PRR12: variants seen among roughly 807,000 people sequenced by gnomAD.
The protein encoded by PRR12 is proline-rich protein 12.
Under a neutral mutation model 138.0 loss-of-function variants are expected in PRR12, and 12 were observed. The observed-to-expected ratio is 0.09, with a 90% CI of 0.06 to 0.14. The LOEUF (loss-of-function observed/expected upper bound fraction) is 0.14. Ranked by LOEUF, PRR12 falls within the 10% of genes least tolerant of loss-of-function variation. PRR12 has a pLI of 1.00. For missense variants in PRR12, 2,692 were observed against 2,861.3 expected (o/e 0.94, Z 1.35); for synonymous variants, 1,567 against 1,291.7 (o/e 1.21, Z -4.57).
chr19:49,591,814 G>GGGCCC (rs200918708), intron 1 of PRR12, 74 bp downstream of exon 1: 10 of 762,168 alleles, frequency 1.3e-5, no homozygotes, highest in Admixed American at 4.7e-5. Context: ...GGGCCGGGCC[G>GGGCCC]GGCCCGCCCG....
intron 2 of PRR12, among the ~76,000 whole-genome samples, chr19:49,593,952 C>G (rs76849608): frequency 1.3e-3 from 194 of 152,246 alleles, no homozygotes; most frequent in Admixed American, 4.0e-3. Context: ...ATGATGCTGT[C>G]CAGTTTGACC....
chr19:49,607,649 A>C (rs2080845458), intron 6 of PRR12, among the ~76,000 whole-genome samples: 1 of 151,700 alleles, frequency 6.6e-6, no homozygotes, highest in African/African-American at 2.4e-5. Context: ...TGGAGGTTGC[A>C]GTGAGCCGAG....
rs1267357182 is a variant in PRR12, at chr19:49,596,360, G to T, written c.2025G>T (p.Gly675=). 3 of 1,598,334 alleles carry T rather than the reference G, an allele frequency of 1.9e-6. No homozygotes were observed. The highest frequency in any genetic ancestry group is 2.6e-6 in the Non-Finnish European group (3 of 1,175,674). ...CAGCAGATGCCTCTAAGGGACTTGGGGGGAGTGGCGGGGCCGGGGGACCAC... is the reference window on the plus strand; with the variant it reads ...CAGCAGATGCCTCTAAGGGACTTGGTGGGAGTGGCGGGGCCGGGGGACCAC... ...DGAADASKGL[G]GSGGAGGPPG... is the part of the protein sequence containing the mutation. Residue 675 remains glycine (G), a synonymous_variant, in exon 4 of 14, where the codon GGG becomes GGT. Transcript: ENST00000418929. The surrounding 1 kb of genome is among the most constrained non-coding windows in gnomAD (Gnocchi z 5.6).
intron 5 of PRR12, among the ~76,000 whole-genome samples, chr19:49,600,740 G>C (rs532462975): frequency 6.6e-6 from 1 of 151,732 alleles, no homozygotes; most frequent in South Asian, 2.1e-4. Context: ...TGTCACCCAG[G>C]CTGGAGTGTG....
rs1469169828 is a variant in PRR12 at position 49,594,108 on chromosome 19, T to A, written c.200-346T>A. Among the ~76,000 whole-genome samples, 1 of 152,190 alleles carries A rather than the reference T, an allele frequency of 6.6e-6. No homozygotes were observed. The highest frequency in any genetic ancestry group is 1.5e-5 in the Non-Finnish European group (1 of 68,036). Reference sequence around the variant, plus strand: ...CCTTTCCTCTTCCTTGCTGGAAATATCCAAATTTGGTCTCCCTCCCAGCCT... The same window carrying A: ...CCTTTCCTCTTCCTTGCTGGAAATAACCAAATTTGGTCTCCCTCCCAGCCT... On this transcript the variant is annotated intron_variant, in intron 2 of 13. Transcript: ENST00000418929. This position sits in a 1 kb window ranked among gnomAD's most constrained non-coding sequence, Gnocchi z 5.6.
At chr19:49,620,318 G>A in intron 9 of PRR12, 34 bp from the exon 10 acceptor site, 1 of 1,611,402 alleles carries the variant, frequency 6.2e-7, no homozygotes. Context: ...AGAGGAAATT[G>A]GGATAACGAG....
chr19:49,615,471 A>G (rs1291462757), intron 8 of PRR12, among the ~76,000 whole-genome samples: 5 of 139,212 alleles, frequency 3.6e-5, no homozygotes, highest in South Asian at 2.5e-4. Flanking sequence ...AGGGAGGGGA[A>G]TAGAGACCCA....
Position 49,591,567 on chromosome 19 carries a change from G to T in PRR12, c.-88G>T. ...AAGGGGGGAAAAAAAAGCAGCAGCG[G>T]AGGGAGCGGCGGCGGAGGAGAGCGC... On this transcript the variant is annotated 5_prime_UTR_variant, in exon 1 of 14. Coordinates refer to ENST00000418929, the MANE Select transcript of PRR12 (RefSeq NM_020719.3). 1.4e-6 allele frequency: 1 copy of T among 727,022 alleles called. No homozygotes were observed. Among genetic ancestry groups the T allele is most frequent in the Non-Finnish European group, 2.0e-6 (1 of 489,648 alleles). The allele number at this position is 727,022 out of a possible 1,614,324, so 45.0% of individuals were successfully genotyped here.
intron 10 of PRR12, among the ~76,000 whole-genome samples, 165 bp downstream of exon 10, chr19:49,620,642 G>A (rs1294360432): frequency 6.6e-6 from 1 of 151,494 alleles, no homozygotes; most frequent in Non-Finnish European, 1.5e-5. Context: ...AGGAGGGGCT[G>A]GGGCCTGGAG....
chr19:49,596,962 C>G lies in PRR12; in HGVS notation c.2627C>G (p.Pro876Arg). 6.4e-7 allele frequency: 1 copy of G among 1,552,106 alleles called. No individual in the cohort carries two copies. The highest frequency in any genetic ancestry group is 8.7e-7 in the Non-Finnish European group (1 of 1,153,468). The stretch of plus-strand genomic sequence containing the variant: ...CTGCGACCCGAGGAGAGCCTGGATC[C>G]GCCAGGCGCCATGCAGGAATTGCTC... ...PRLRPEESLD[P>R]PGAMQELLGA... The change falls in exon 4 of 14, where the codon CCG (proline) becomes CGG (arginine). Residue 876 changes from proline (P) to arginine (R), a missense_variant. By Grantham distance (103) the Pro-to-Arg change is moderately radical. Coordinates refer to ENST00000418929, the MANE Select transcript of PRR12 (RefSeq NM_020719.3). This position sits in a 1 kb window ranked among gnomAD's most constrained non-coding sequence, Gnocchi z 5.6.
Position 49,594,863 on chromosome 19 carries a change from C to T in PRR12, c.528C>T (p.Ser176=), listed in dbSNP as rs775776064. The change falls in exon 4 of 14, where the codon AGC becomes AGT. Residue 176 remains serine, a synonymous_variant. Coordinates refer to ENST00000418929, the MANE Select transcript of PRR12 (RefSeq NM_020719.3). The surrounding 1 kb of genome is among the most constrained non-coding windows in gnomAD (Gnocchi z 5.6). ...SSLSLQDPPF[S]PPANGLLSPH... ...TCAGCCTCCAGGACCCCCCATTCAGCCCTCCAGCTAACGGGCTCCTGTCCC... is the reference window on the plus strand; with the variant it reads ...TCAGCCTCCAGGACCCCCCATTCAGTCCTCCAGCTAACGGGCTCCTGTCCC... 4 of 1,611,412 alleles carry T rather than the reference C, an allele frequency of 2.5e-6. No homozygotes were observed. The highest frequency in any genetic ancestry group is 3.4e-5 in the Admixed American group (2 of 59,674).
At chr19:49,610,734 G>A (rs1487935514) in intron 6 of PRR12, among the ~76,000 whole-genome samples, 5 of 151,796 alleles carry the variant, frequency 3.3e-5, no homozygotes, top group African/African-American at 9.7e-5. Context: ...TAGTAGAGAC[G>A]GGGTTTCACC....
Position 49,595,768 on chromosome 19 carries a change from GC to G in PRR12, c.1439del (p.Pro480HisfsTer111). ...DLSKAPSYSG[G>X]PPQPPSGPPP... ...AGCAAAGCCCCCAGCTACTCAGGGG[GC>G]CCCCCACAGCCCCCCAGCGGCCCCC... On this transcript the variant is annotated frameshift_variant, in exon 4 of 14. Transcript: ENST00000418929. LOFTEE classifies it high-confidence loss of function. 2.5e-6 allele frequency: 4 copies of G among 1,597,770 alleles called. No homozygotes were observed. The highest frequency in any genetic ancestry group is 1.7e-5 in the Admixed American group (1 of 57,968).
At chr19:49,602,889 C>G (rs966442012) in intron 6 of PRR12, among the ~76,000 whole-genome samples, 1 of 152,218 alleles carries the variant, frequency 6.6e-6, no homozygotes, top group African/African-American at 2.4e-5. Context: ...TACTTAAATA[C>G]GTAAATGCAG....
rs187618144 is a variant in PRR12, at chr19:49,624,751, G to A, written c.5722-93G>A. The A allele has an allele frequency of 2.8e-5, 42 of 1,523,992 alleles. No homozygotes were observed. In the Admixed American group the frequency reaches 8.7e-4, roughly 32 times the overall value. 94.4% of individuals were successfully genotyped at this position (1,523,992 alleles called of 1,614,324 possible). A position where few individuals can be genotyped will look rare whatever the true frequency, so the allele number is the denominator to read the frequency against. ...GTTGTCTCTCCTGATCTGCAGCCTGGGGGAAACTGAGGCACAGATCTGAGA... is the reference window on the plus strand; with the variant it reads ...GTTGTCTCTCCTGATCTGCAGCCTGAGGGAAACTGAGGCACAGATCTGAGA... On this transcript the variant is annotated intron_variant, in intron 11 of 13. Transcript: ENST00000418929.
Position 49,591,602 on chromosome 19 carries a change from C to CCCA in PRR12, c.-51_-50insACC. The CCCA allele has an allele frequency of 2.5e-6, 1 of 397,482 alleles. No homozygotes were observed. Among genetic ancestry groups the CCCA allele is most frequent in the Non-Finnish European group, 4.5e-6 (1 of 221,514 alleles). The allele number at this position is 397,482 out of a possible 1,614,324, so 24.6% of individuals were successfully genotyped here. ...CGGCGGAGGAGAGCGCGCGCGCGCC[C>CCCA]CCTCCCTCCCTCCCTCCCTCCCCCT... On this transcript the variant is annotated 5_prime_UTR_variant, in exon 1 of 14. Transcript: ENST00000418929.
chr19:49,600,869 C>T (rs903544035), intron 5 of PRR12, among the ~76,000 whole-genome samples: 26 of 152,056 alleles, frequency 1.7e-4, no homozygotes, highest in Non-Finnish European at 3.4e-4. Context: ...GGACTACAGG[C>T]GCGCACCACC....
chr19:49,603,727 C>T (rs2080823851), intron 6 of PRR12, among the ~76,000 whole-genome samples: 1 of 151,908 alleles, frequency 6.6e-6, no homozygotes, highest in Non-Finnish European at 1.5e-5. Flanking sequence ...TAATTTAGTC[C>T]TGGATGTTGT....
At position 49,597,321 on chromosome 19, in the gene PRR12, G is replaced by T; in HGVS notation, c.2986G>T (p.Gly996Cys). Residue 996 changes from glycine (G) to cysteine (C), a missense_variant, in exon 4 of 14, where the codon GGC becomes TGC. Gly to Cys is a radical substitution (Grantham distance 159, BLOSUM62 -3). Transcript: ENST00000418929. This position sits in a 1 kb window ranked among gnomAD's most constrained non-coding sequence, Gnocchi z 6.3. ...AYDPYGPYCP[G>C]RASGAGPETP... Reference sequence around the variant, plus strand: ...TGATCCCTATGGGCCCTACTGTCCTGGCCGGGCGTCGGGAGCCGGGCCCGA... The same window carrying T: ...TGATCCCTATGGGCCCTACTGTCCTTGCCGGGCGTCGGGAGCCGGGCCCGA... 6.5e-7 allele frequency: 1 copy of T among 1,549,378 alleles called. No homozygotes were observed. The highest frequency in any genetic ancestry group is 8.7e-7 in the Non-Finnish European group (1 of 1,150,824).
Sources: gnomAD v4.1 joint callset for allele counts (sites outside exome capture counted in the v4.1 genomes callset) on GRCh38, gnomAD v4.1.1 for gene constraint, Gnocchi (gnomAD v3.1) non-coding constraint, MANE v1.5 for transcripts, NCBI Gene and HGNC (gene_info 2026-07-23, HGNC 2026-07-21) for gene names.